Variants in USP13 observed in about 807,000 individuals in gnomAD.
The protein encoded by USP13 is ubiquitin carboxyl-terminal hydrolase 13.
A neutral mutation model predicts 107.8 loss-of-function variants in USP13; 68 were observed. That is an observed-to-expected ratio of 0.63 (90% confidence interval 0.52 to 0.77). USP13 has a LOEUF of 0.77. Ranked by LOEUF, USP13 falls within the 30% of genes least tolerant of loss-of-function variation. The probability of loss-of-function intolerance (pLI) is 0.00; values close to 1 mark genes in which losing one functional copy is unlikely to be tolerated. For synonymous variants in USP13, 377 were observed against 389.5 expected (o/e 0.97, Z 0.38); for missense variants, 945 against 1,093.3 (o/e 0.86, Z 1.91).
chr3:179,789,200 G>C lies in USP13; in HGVS notation c.*5059G>C, dbSNP rs1365565761. ...TGTGCCGCTTGTCTCAGCCTTGGCA[G>C]AGGCTGAGTCTGTTCCTGTGCCCAC... On this transcript the variant is annotated 3_prime_UTR_variant, in exon 21 of 21. Transcript: ENST00000263966. 6.6e-6 allele frequency: 1 copy of C among 152,218 alleles called. No individual in the cohort carries two copies. Among genetic ancestry groups the C allele is most frequent in the Non-Finnish European group, 1.5e-5 (1 of 68,054 alleles). 9.4% of individuals were successfully genotyped at this position (152,218 alleles called of 1,614,324 possible). A position where few individuals can be genotyped will look rare whatever the true frequency, so the allele number is the denominator to read the frequency against.
At chr3:179,760,281 TG>T (rs753499142) in intron 16 of USP13, among the ~76,000 whole-genome samples, 9 of 146,412 alleles carry the variant, frequency 6.1e-5, no homozygotes, top group South Asian at 2.1e-4. Flanking sequence ...CGTCTCTTAA[TG>T]TTTTTTTTTT....
intron 1 of USP13, among the ~76,000 whole-genome samples, chr3:179,680,199 AC>A (rs2108452150): frequency 6.6e-6 from 1 of 151,818 alleles, no homozygotes; most frequent in East Asian, 1.9e-4. Flanking sequence ...AACAACAACA[AC>A]AAAAAGAAAG....
intron 18 of USP13, among the ~76,000 whole-genome samples, chr3:179,765,137 TA>T (rs1219801568): frequency 2.0e-5 from 3 of 152,374 alleles, no homozygotes; most frequent in Admixed American, 6.5e-5. Context: ...GAGTTCAGTT[TA>T]AACAATTATA....
rs909342030 is a variant in USP13 at position 179,678,285 on chromosome 3, G to A, written c.169-3593G>A. Among the ~76,000 whole-genome samples, 2 of 152,102 alleles carry A rather than the reference G, an allele frequency of 1.3e-5. No individual in the cohort carries two copies. Among genetic ancestry groups the A allele is most frequent in the Admixed American group, 6.6e-5 (1 of 15,260 alleles). On this transcript the variant is annotated intron_variant, in intron 1 of 20. Coordinates refer to ENST00000263966, the MANE Select transcript of USP13 (RefSeq NM_003940.3). The surrounding 1 kb of genome is among the most constrained non-coding windows in gnomAD (Gnocchi z 4.2). ...TGATGCAGTATGTTTTTCTTAGGAGGTCTATCTATCCAAAGAACATGTTTA... is the reference window on the plus strand; with the variant it reads ...TGATGCAGTATGTTTTTCTTAGGAGATCTATCTATCCAAAGAACATGTTTA...
chr3:179,658,735 T>C (rs1720364393), intron 1 of USP13, among the ~76,000 whole-genome samples: 1 of 152,044 alleles, frequency 6.6e-6, no homozygotes, highest in Non-Finnish European at 1.5e-5. Flanking sequence ...GGGAGAGTAC[T>C]GTATTTATCC....
intron 1 of USP13, among the ~76,000 whole-genome samples, chr3:179,676,257 C>G (rs1047405574): frequency 6.6e-6 from 1 of 152,148 alleles, no homozygotes; most frequent in African/African-American, 2.4e-5. Flanking sequence ...TACCCAGTCT[C>G]GGGTGTTTCA....
intron 1 of USP13, among the ~76,000 whole-genome samples, chr3:179,676,335 T>G (rs4855104): frequency 0.19 from 28,436 of 152,166 alleles, 2,752 homozygotes; most frequent in East Asian, 0.25. Flanking sequence ...CACTGTCATC[T>G]TGAACCTGGC....
At chr3:179,749,706 A>T (rs542430149) in intron 13 of USP13, among the ~76,000 whole-genome samples, 14 of 152,304 alleles carry the variant, frequency 9.2e-5, no homozygotes, top group African/African-American at 3.4e-4. Context: ...GTACTTTTAG[A>T]TTGGCGGCTA....
chr3:179,719,201 G>A (rs1713216739), intron 6 of USP13, among the ~76,000 whole-genome samples: 1 of 152,132 alleles, frequency 6.6e-6, no homozygotes. Flanking sequence ...CAAATGGCTG[G>A]GATGTGGATC....
chr3:179,694,357 A>AT (rs1355679369), intron 3 of USP13, among the ~76,000 whole-genome samples: 2 of 152,092 alleles, frequency 1.3e-5, no homozygotes. Flanking sequence ...TGGTGATGTG[A>AT]TGGCCTCATG....
chr3:179,761,348 C>A (rs759288429), intron 17 of USP13, 93 bp downstream of exon 17: 125 of 1,478,288 alleles, frequency 8.5e-5, no homozygotes, highest in Non-Finnish European at 1.1e-4. Context: ...TGGATGTATC[C>A]CTAGAAAATG....
intron 20 of USP13, among the ~76,000 whole-genome samples, chr3:179,782,587 C>T (rs1008104461): frequency 1.3e-5 from 2 of 152,146 alleles, no homozygotes; most frequent in African/African-American, 4.8e-5. Context: ...GGGCAGTGCT[C>T]AGGCCATGTG....
intron 11 of USP13, among the ~76,000 whole-genome samples, chr3:179,741,893 T>C (rs1381505809): frequency 6.6e-6 from 1 of 152,202 alleles, no homozygotes; most frequent in Non-Finnish European, 1.5e-5. Context: ...TTTTTCCCTT[T>C]CTCTTTTGAT....
intron 2 of USP13, among the ~76,000 whole-genome samples, chr3:179,685,891 A>T (rs1711857077): frequency 6.6e-6 from 1 of 151,844 alleles, no homozygotes. Flanking sequence ...ACTTCTCATG[A>T]TTCATTTTTT....
chr3:179,737,258 T>C (rs1023906439), intron 10 of USP13, among the ~76,000 whole-genome samples: 2 of 152,164 alleles, frequency 1.3e-5, no homozygotes, highest in Admixed American at 6.5e-5. Context: ...GACCCTGGAC[T>C]TAATAACTCT....
intron 1 of USP13, among the ~76,000 whole-genome samples, chr3:179,674,590 C>A (rs534984779): frequency 2.0e-5 from 3 of 151,640 alleles, no homozygotes; most frequent in South Asian, 4.2e-4. Flanking sequence ...ATTATAGATA[C>A]TGCATGTGTG....
chr3:179,664,198 G>A (rs1720525499), intron 1 of USP13, among the ~76,000 whole-genome samples: 1 of 150,996 alleles, frequency 6.6e-6, no homozygotes. Context: ...TTGGCTCACT[G>A]CAACCTCTGC....
At chr3:179,756,927 C>G (rs1319748058) in intron 15 of USP13, 125 bp from the exon 16 acceptor site, 1 of 934,810 alleles carries the variant, frequency 1.1e-6, no homozygotes, top group Non-Finnish European at 1.7e-6. Flanking sequence ...GAGGGATTGA[C>G]AACAGTGTGT....
Position 179,681,819 on chromosome 3 carries a change from C to G in USP13, c.169-59C>G, listed in dbSNP as rs573542882. The stretch of plus-strand genomic sequence containing the variant: ...TTGCCTTCCTTCCCTTTCCCTCTTT[C>G]TACATCTGACTACTGGGCTAGGTGT... On this transcript the variant is annotated intron_variant, in intron 1 of 20. Transcript: ENST00000263966. 1.1e-4 allele frequency: 172 copies of G among 1,560,778 alleles called. 1 individual carries two copies. In the Middle Eastern group the frequency reaches 3.4e-3, roughly 31 times the overall value.
Sources: gnomAD v4.1 joint callset for allele counts (sites outside exome capture counted in the v4.1 genomes callset) on GRCh38, gnomAD v4.1.1 for gene constraint, Gnocchi (gnomAD v3.1) non-coding constraint, MANE v1.5 for transcripts, NCBI Gene and HGNC (gene_info 2026-07-23, HGNC 2026-07-21) for gene names.